The following ROR1 variants were observed in gnomAD, a reference collection of about 807,000 sequenced individuals.
The protein encoded by ROR1 is inactive tyrosine-protein kinase transmembrane receptor ROR1.
In ROR1, 19 loss-of-function variants were observed where a neutral mutation model predicts 78.8. The observed-to-expected ratio is 0.24, with a 90% CI of 0.17 to 0.35. The LOEUF (loss-of-function observed/expected upper bound fraction) is 0.35, where lower values mean the gene tolerates loss of function less well. Among genes scored for constraint, ROR1 ranks in the 10% least tolerant of loss-of-function variants. The probability of loss-of-function intolerance (pLI) is 1.00; values close to 1 mark genes in which losing one functional copy is unlikely to be tolerated. For missense variants in ROR1, 917 were observed against 1,177.8 expected (o/e 0.78, Z 3.24); for synonymous variants, 386 against 433.6 (o/e 0.89, Z 1.36).
At chr1:64,102,975 T>C (rs955223608) in intron 4 of ROR1, among the ~76,000 whole-genome samples, 2 of 152,136 alleles carry the variant, frequency 1.3e-5, no homozygotes, top group Admixed American at 6.6e-5. Context: ...TTGAGAATCA[T>C]TGGTCCAGAT....
intron 5 of ROR1, among the ~76,000 whole-genome samples, chr1:64,139,164 CAAAAAAAAA>C (rs755368714): frequency 7.7e-4 from 16 of 20,658 alleles, no homozygotes; most frequent in African/African-American, 2.1e-3. Flanking sequence ...GAGACTGTCT[CAAAAAAAAA>C]AAAAAAAAAA....
rs1445730805 is a variant in ROR1 at position 63,875,212 on chromosome 1, A to AC, written c.91+100704_91+100705insC. Among the ~76,000 whole-genome samples, 6 of 152,314 alleles carry AC rather than the reference A, an allele frequency of 3.9e-5. No individual in the cohort carries two copies. In the South Asian group the frequency reaches 8.3e-4, roughly 21 times the overall value. On this transcript the variant is annotated intron_variant, in intron 1 of 8. Transcript: ENST00000371079. The stretch of plus-strand genomic sequence containing the variant: ...TAGTACTTATTTATACAGTTATTAT[A>AC]AGGAGTAAATAAATTAGTTTGTGCT...
intron 2 of ROR1, among the ~76,000 whole-genome samples, chr1:64,048,939 G>A (rs186559224): frequency 6.6e-6 from 1 of 152,242 alleles, no homozygotes; most frequent in Admixed American, 6.5e-5. Flanking sequence ...GGTTGTTGAT[G>A]TTCTATCAAG....
intron 1 of ROR1, among the ~76,000 whole-genome samples, chr1:63,939,716 G>C (rs1233093496): frequency 6.6e-6 from 1 of 152,150 alleles, no homozygotes; most frequent in Non-Finnish European, 1.5e-5. Context: ...CTACCATGGA[G>C]GGGTGTTACA....
chr1:64,126,745 T>G (rs973401542), intron 4 of ROR1, among the ~76,000 whole-genome samples: 1 of 152,170 alleles, frequency 6.6e-6, no homozygotes, highest in Non-Finnish European at 1.5e-5. Context: ...GCATCATGCT[T>G]CAGTTAGGGA....
At chr1:64,036,360 A>C (rs1012240600) in intron 2 of ROR1, among the ~76,000 whole-genome samples, 3 of 152,156 alleles carry the variant, frequency 2.0e-5, no homozygotes, top group Non-Finnish European at 4.4e-5. Context: ...GTGTGGAAGG[A>C]CCAAAGTTCT....
At chr1:64,004,087 C>T (rs932093119) in intron 1 of ROR1, among the ~76,000 whole-genome samples, 1 of 152,234 alleles carries the variant, frequency 6.6e-6, no homozygotes, top group Non-Finnish European at 1.5e-5. Flanking sequence ...GAACATGCAG[C>T]TCAGTGAGAA....
chr1:64,130,300 T>G (rs1314155541), intron 4 of ROR1, among the ~76,000 whole-genome samples: 1 of 152,200 alleles, frequency 6.6e-6, no homozygotes, highest in Non-Finnish European at 1.5e-5. Flanking sequence ...CTTTCAAAAC[T>G]GACCTTAAAG....
chr1:64,175,849 T>C (rs1399349006), intron 8 of ROR1, among the ~76,000 whole-genome samples: 1 of 152,224 alleles, frequency 6.6e-6, no homozygotes, highest in Non-Finnish European at 1.5e-5. Context: ...TACCAAATTA[T>C]CTAAACTGTT....
chr1:63,846,318 A>G (rs1050518122), intron 1 of ROR1, among the ~76,000 whole-genome samples: 3 of 151,646 alleles, frequency 2.0e-5, no homozygotes, highest in African/African-American at 7.3e-5. Context: ...ATTCTTGTCA[A>G]TTTTCCCTCC....
intron 7 of ROR1, among the ~76,000 whole-genome samples, chr1:64,146,525 A>G (rs1436007797): frequency 6.6e-6 from 1 of 152,190 alleles, no homozygotes; most frequent in Non-Finnish European, 1.5e-5. Context: ...GTTCCACCCT[A>G]GGTAAACACT....
In ROR1 at chr1:64,068,082, T is replaced by G. The variant is rs183474096; in HGVS notation, c.482+17366T>G. Among the ~76,000 whole-genome samples, 441 of 152,324 alleles carry G rather than the reference T, an allele frequency of 2.9e-3. 2 individuals carry two copies. Among genetic ancestry groups the G allele is most frequent in the Admixed American group, 4.2e-3 (65 of 15,308 alleles). ...AATTTATCAATGTCAACAAAACATT[T>G]AAATTTTTCTTGCAGTTTATGCAGG... On this transcript the variant is annotated intron_variant, in intron 4 of 8. Transcript: ENST00000371079.
chr1:64,102,932 C>G (rs1224738527), intron 4 of ROR1, among the ~76,000 whole-genome samples: 1 of 152,178 alleles, frequency 6.6e-6, no homozygotes, highest in Non-Finnish European at 1.5e-5. Context: ...CAGACAGCGC[C>G]AGCTGTCCCC....
intron 1 of ROR1, among the ~76,000 whole-genome samples, chr1:63,856,041 T>C (rs1645146414): frequency 6.6e-6 from 1 of 152,168 alleles, no homozygotes; most frequent in African/African-American, 2.4e-5. Flanking sequence ...TTTAATGTTC[T>C]GTCTGCTAAT....
At chr1:64,091,213 T>A (rs1647194211) in intron 4 of ROR1, among the ~76,000 whole-genome samples, 1 of 151,988 alleles carries the variant, frequency 6.6e-6, no homozygotes, top group Admixed American at 6.6e-5. Flanking sequence ...GCTGGTGGTG[T>A]TTCCTCCATA....
At chr1:63,963,201 G>T (rs964146055) in intron 1 of ROR1, among the ~76,000 whole-genome samples, 5 of 152,086 alleles carry the variant, frequency 3.3e-5, no homozygotes, top group African/African-American at 1.2e-4. Flanking sequence ...ATTATTTCAT[G>T]ATAGTAACTT....
At chr1:63,864,156 A>C (rs1234008170) in intron 1 of ROR1, among the ~76,000 whole-genome samples, 8 of 152,196 alleles carry the variant, frequency 5.3e-5, no homozygotes, top group African/African-American at 1.9e-4. Flanking sequence ...ACCGAGGTAC[A>C]AGAAATTAAG....
At chr1:63,875,078 G>A (rs1215869382) in intron 1 of ROR1, among the ~76,000 whole-genome samples, 4 of 152,096 alleles carry the variant, frequency 2.6e-5, no homozygotes, top group African/African-American at 4.8e-5. Flanking sequence ...GCCTGAAGCC[G>A]GCTGTCTTGG....
chr1:64,162,862 C>G (rs1236258035), intron 8 of ROR1, among the ~76,000 whole-genome samples: 2 of 152,160 alleles, frequency 1.3e-5, no homozygotes, highest in African/African-American at 2.4e-5. Context: ...TTCTCTGTTT[C>G]TTTTCCTTTG....
Sources: allele counts gnomAD v4.1 joint callset (sites outside exome capture counted in the v4.1 genomes callset), GRCh38; gene constraint gnomAD v4.1.1; transcripts MANE v1.5; gene names NCBI Gene and HGNC (gene_info 2026-07-23, HGNC 2026-07-21).